Variants in IGSF9 observed in about 807,000 individuals in gnomAD.
IGSF9 encodes the protein immunoglobulin superfamily member 9, also known as protein turtle homolog A.
In IGSF9, 87 loss-of-function variants were observed where a neutral mutation model predicts 121.7. That is an observed-to-expected ratio of 0.71 (90% CI 0.60 to 0.85). The LOEUF is 0.85. IGSF9 is among the 40% of genes least tolerant of loss of function. The pLI, the probability that IGSF9 is intolerant of heterozygous loss-of-function variation, is 0.00. For missense variants in IGSF9, 1,462 were observed against 1,565.3 expected, an observed-to-expected ratio of 0.93 and a Z score of 1.11; for synonymous variants, 640 against 648.4, an observed-to-expected ratio of 0.99 and a Z score of 0.20.
At chr1:159,939,859 A>G (rs1651319228) in intron 3 of IGSF9, among the ~76,000 whole-genome samples, 1 of 152,168 alleles carries the variant, frequency 6.6e-6, no homozygotes, top group Non-Finnish European at 1.5e-5. Context: ...GACTAGGCCC[A>G]GCGGGTAAAT....
At position 159,931,198 on chromosome 1, in the gene IGSF9, G is replaced by A. The variant is rs1012218696; in HGVS notation, c.1577C>T (p.Ser526Phe). The A allele has an allele frequency of 3.1e-6, 5 of 1,614,154 alleles. No individual in the cohort carries two copies. Among genetic ancestry groups the A allele is most frequent in the Non-Finnish European group, 3.4e-6 (4 of 1,180,008 alleles). The stretch of plus-strand genomic sequence containing the variant: ...ACCACCATCAAAGCCAGGCTCCCAG[G>A]AGACATTGGCACCCTTGGGCAAAGC... ...VVALPKGANV[S>F]WEPGFDGGYL... The change falls in exon 13 of 21, where the codon TCC (serine) becomes TTC (phenylalanine). Residue 526 changes from serine (S) to phenylalanine (F), a missense_variant. Physicochemically the swap from Ser to Phe is radical, Grantham distance 155. Coordinates refer to ENST00000368094, the MANE Select transcript of IGSF9 (RefSeq NM_001135050.2). This position sits in a 1 kb window ranked among gnomAD's most constrained non-coding sequence, Gnocchi z 4.8.
intron 6 of IGSF9, among the ~76,000 whole-genome samples, chr1:159,935,209 G>A (rs1042178473): frequency 3.3e-5 from 5 of 152,096 alleles, no homozygotes; most frequent in Non-Finnish European, 7.4e-5. Context: ...TCAAGATGCT[G>A]CAGCAGCCCC....
chr1:159,932,420 G>GGGGCCCCCC lies in IGSF9; in HGVS notation c.1245+91_1245+92insGGGGGGCCC. 9.8e-7 allele frequency: 1 copy of GGGGCCCCCC among 1,021,816 alleles called. No homozygotes were observed. The highest frequency in any genetic ancestry group is 1.5e-6 in the Non-Finnish European group (1 of 689,032). 63.3% of individuals were successfully genotyped at this position (1,021,816 alleles called of 1,614,324 possible). A position where few individuals can be genotyped will look rare whatever the true frequency, so the allele number is the denominator to read the frequency against. ...CTTGGAAACCCCTCCCCATGTGTCT[G>GGGGCCCCCC]CCCCACCCCACCCCCATCAGCCTGG... is the stretch of plus-strand genomic sequence containing the variant. On this transcript the variant is annotated intron_variant, in intron 10 of 20. Transcript: ENST00000368094. The surrounding 1 kb of genome is among the most constrained non-coding windows in gnomAD (Gnocchi z 4.1).
At position 159,930,297 on chromosome 1, in the gene IGSF9, T is replaced by C. The variant is rs771227490; in HGVS notation, c.1956A>G (p.Arg652=). ...HWDPPELVPK[R]LDGYVLEGRQ... ...GGCCTTCCAAGACGTAGCCATCCAG[T>C]CTCTTAGGGACCAGCTCTGGGGGAT... The change falls in exon 15 of 21, where the codon AGA becomes AGG. Residue 652 remains arginine (R), a synonymous_variant. Transcript: ENST00000368094. 1.9e-6 allele frequency: 3 copies of C among 1,613,482 alleles called. No homozygotes were observed. In the South Asian group the frequency reaches 3.3e-5, roughly 18 times the overall value.
chr1:159,938,436 G>A (rs574791402), intron 3 of IGSF9, among the ~76,000 whole-genome samples: 36 of 152,242 alleles, frequency 2.4e-4, no homozygotes, highest in African/African-American at 8.2e-4. Flanking sequence ...TCCATGCCCC[G>A]GGGCACTCCA....
rs140485589 is a variant in IGSF9, at chr1:159,934,260, G to A, written c.1034C>T (p.Pro345Leu). ...GAGCAGTGGGGGGTTGGCACGAACC[G>A]GGCAGCGGATCACCCCCGGCATGCC... ...PIGMPGVIRC[P>L]VRANPPLLFV... Residue 345 changes from proline (P) to leucine (L), a missense_variant, in exon 9 of 21, where the codon CCG (proline) becomes CTG (leucine). Coordinates refer to ENST00000368094, the MANE Select transcript of IGSF9 (RefSeq NM_001135050.2). The A allele has an allele frequency of 4.8e-5, 77 of 1,613,734 alleles. 1 individual carries two copies. The highest frequency in any genetic ancestry group is 1.6e-4 in the South Asian group (15 of 90,988).
In IGSF9 at chr1:159,927,292, G is replaced by T. The variant is rs1489392104; in HGVS notation, c.*53C>A. ...GTTTGAAACTAGGTCTGTCTGGTTG[G>T]GGGCCTCCTTTGCAGGTCCATATGC... On this transcript the variant is annotated 3_prime_UTR_variant, in exon 21 of 21. Coordinates refer to ENST00000368094, the MANE Select transcript of IGSF9 (RefSeq NM_001135050.2). The T allele has an allele frequency of 1.9e-6, 3 of 1,603,234 alleles. No individual in the cohort carries two copies. The highest frequency in any genetic ancestry group is 2.6e-6 in the Non-Finnish European group (3 of 1,172,648).
In IGSF9 at chr1:159,932,230, C is replaced by T. The variant is rs72702746; in HGVS notation, c.1245+282G>A. On this transcript the variant is annotated intron_variant, in intron 10 of 20. Coordinates refer to ENST00000368094, the MANE Select transcript of IGSF9 (RefSeq NM_001135050.2). The surrounding 1 kb of genome is among the most constrained non-coding windows in gnomAD (Gnocchi z 4.1). ...TGCAGAACATTCTTCCTCCCAGAGCCCCAGAGAGGGAGGCAGCACGGTCAA... is the reference window on the plus strand; with the variant it reads ...TGCAGAACATTCTTCCTCCCAGAGCTCCAGAGAGGGAGGCAGCACGGTCAA... 0.08 allele frequency: 45,785 copies of T among 574,694 alleles called. 4,033 individuals carry two copies. Among genetic ancestry groups the T allele is most frequent in the African/African-American group, 0.35 (18,359 of 53,004 alleles). The allele number at this position is 574,694 out of a possible 1,614,324, so 35.6% of individuals were successfully genotyped here. A position where few individuals can be genotyped will look rare whatever the true frequency, so the allele number is the denominator to read the frequency against.
chr1:159,927,807 AG>A lies in IGSF9; in HGVS notation c.3310del (p.Leu1104TrpfsTer16). ...GDMELLETLH[L>X]GLASSRLRPE... ...TCTGAGCCGGGAGCTGGCCAAGCCC[AG>A]GTGCAAAGTCTCCAGCAATTCCATG... is the stretch of plus-strand genomic sequence containing the variant. On this transcript the variant is annotated frameshift_variant, in exon 20 of 21. Coordinates refer to ENST00000368094, the MANE Select transcript of IGSF9 (RefSeq NM_001135050.2). LOFTEE classifies it high-confidence loss of function. 6.2e-7 allele frequency: 1 copy of A among 1,613,946 alleles called. No individual in the cohort carries two copies. The highest frequency in any genetic ancestry group is 8.5e-7 in the Non-Finnish European group (1 of 1,179,968).
chr1:159,929,277 C>A, intron 18 of IGSF9, 74 bp downstream of exon 18: 1 of 1,546,998 alleles, frequency 6.5e-7, no homozygotes, highest in Non-Finnish European at 8.9e-7. Flanking sequence ...GGTAAAGATG[C>A]AAAAAAGGAA....
rs1650965536 is a variant in IGSF9 at position 159,930,745 on chromosome 1, T to C, written c.1760A>G (p.Gln587Arg). The stretch of plus-strand genomic sequence containing the variant: ...GAAGGGACCACTCCCCAGCTTGTTC[T>C]GAGCTAGCACGCTGAACTGGTACTG... ...HTQYQFSVLA[Q>R]NKLGSGPFSE... Residue 587 changes from glutamine (Q) to arginine (R), a missense_variant, in exon 14 of 21, where the codon CAG (glutamine) becomes CGG (arginine). Gln to Arg is a conservative substitution (Grantham distance 43). Transcript: ENST00000368094. 6.2e-7 allele frequency: 1 copy of C among 1,614,170 alleles called. No homozygotes were observed. The highest frequency in any genetic ancestry group is 8.5e-7 in the Non-Finnish European group (1 of 1,179,996).
intron 1 of IGSF9, among the ~76,000 whole-genome samples, chr1:159,944,651 A>C (rs1483958466): frequency 6.6e-6 from 1 of 152,140 alleles, no homozygotes; most frequent in Non-Finnish European, 1.5e-5. Flanking sequence ...ACAGCCCCAC[A>C]GATCCTAGGG....
chr1:159,929,781 G>C lies in IGSF9; in HGVS notation c.2183C>G (p.Pro728Arg), dbSNP rs771421838. ...LEVYPSRTQL[P>R]GLLPQPVLAG... The stretch of plus-strand genomic sequence containing the variant: ...CAGCACGGGCTGAGGCAGGAGGCCC[G>C]GCAGCTGCGTGCGCGAAGGGTAGAC... The change falls in exon 17 of 21, where the codon CCG becomes CGG. Residue 728 changes from proline to arginine, a missense_variant. Transcript: ENST00000368094. 1.9e-6 allele frequency: 3 copies of C among 1,606,392 alleles called. No homozygotes were observed. Among genetic ancestry groups the C allele is most frequent in the Non-Finnish European group, 2.5e-6 (3 of 1,177,188 alleles).
chr1:159,936,756 G>T lies in IGSF9; in HGVS notation c.553C>A (p.Gln185Lys), dbSNP rs1431070676. 10 of 1,614,096 alleles carry T rather than the reference G, an allele frequency of 6.2e-6. No homozygotes were observed. Among genetic ancestry groups the T allele is most frequent in the Non-Finnish European group, 7.6e-6 (9 of 1,179,992 alleles). The change falls in exon 5 of 21, where the codon CAA (glutamine) becomes AAA (lysine). Residue 185 changes from glutamine to lysine, a missense_variant and splice_region_variant. Physicochemically the swap from Gln to Lys is moderately conservative, Grantham distance 53 (BLOSUM62 1). Coordinates refer to ENST00000368094, the MANE Select transcript of IGSF9 (RefSeq NM_001135050.2). ...KDLGQGQGQVQVQNGTLRIRR... is the reference protein window; with the variant it reads ...KDLGQGQGQVKVQNGTLRIRR... ...CTCTGTCCACCCCCAGGACTCACTTGCACCTGGCCCTGGCCCTGGCCAAGG... is the reference window on the plus strand; with the variant it reads ...CTCTGTCCACCCCCAGGACTCACTTTCACCTGGCCCTGGCCCTGGCCAAGG...
Position 159,928,879 on chromosome 1 carries a change from G to C in IGSF9, c.2509C>G (p.Arg837Gly). Residue 837 changes from arginine (R) to glycine (G), a missense_variant, in exon 19 of 21, where the codon CGG becomes GGG. Transcript: ENST00000368094. ...PSPHPDPPSS[R>G]GPLPLEPICR... ...ATGGGCTCCAGAGGTAAGGGTCCCC[G>C]GCTAGATGGAGGATCCGGGTGGGGG... 1 of 1,594,392 alleles carries C rather than the reference G, an allele frequency of 6.3e-7. No homozygotes were observed. The highest frequency in any genetic ancestry group is 8.5e-7 in the Non-Finnish European group (1 of 1,171,072).
Position 159,931,983 on chromosome 1 carries a change from A to G in IGSF9, c.1246-55T>C. On this transcript the variant is annotated intron_variant, in intron 10 of 20. Transcript: ENST00000368094. The surrounding 1 kb of genome is among the most constrained non-coding windows in gnomAD (Gnocchi z 4.8). Reference sequence around the variant, plus strand: ...CCCTCTCTTACATCTAAGGCTGGCTACTCCCTCTCTCTGTGCTCCCTGTCA... The same window carrying G: ...CCCTCTCTTACATCTAAGGCTGGCTGCTCCCTCTCTCTGTGCTCCCTGTCA... The G allele has an allele frequency of 9.1e-7, 1 of 1,103,432 alleles. No individual in the cohort carries two copies. The highest frequency in any genetic ancestry group is 1.3e-6 in the Non-Finnish European group (1 of 752,516). 68.4% of individuals were successfully genotyped at this position (1,103,432 alleles called of 1,614,324 possible).
rs1432788525 is a variant in IGSF9 at position 159,929,719 on chromosome 1, C to T, written c.2245G>A (p.Ala749Thr). 6.2e-7 allele frequency: 1 copy of T among 1,601,540 alleles called. No individual in the cohort carries two copies. Among genetic ancestry groups the T allele is most frequent in the Non-Finnish European group, 8.5e-7 (1 of 1,175,070 alleles). ...VVGGVCFLGV[A>T]VLVSILAGCL... is the part of the protein sequence containing the mutation. ...CCGGCCAGGATGCTCACAAGGACGG[C>T]CACTCCCAGAAAGCAGACTCCGCCC... The change falls in exon 17 of 21, where the codon GCC (alanine) becomes ACC (threonine). Residue 749 changes from alanine to threonine, a missense_variant. Ala to Thr is a moderately conservative substitution (Grantham distance 58). This residue lies in a region of IGSF9 where 808 missense variants were observed against 815.2 expected (regional missense o/e 0.99). Coordinates refer to ENST00000368094, the MANE Select transcript of IGSF9 (RefSeq NM_001135050.2).
Position 159,934,527 on chromosome 1 carries a change from G to A in IGSF9, c.859C>T (p.Arg287Trp), listed in dbSNP as rs373829879. 32 of 1,613,672 alleles carry A rather than the reference G, an allele frequency of 2.0e-5. No individual in the cohort carries two copies. In the Middle Eastern group the frequency reaches 5.0e-4, roughly 25 times the overall value. The change falls in exon 8 of 21, where the codon CGG becomes TGG. Residue 287 changes from arginine to tryptophan, a missense_variant. Arg to Trp is a moderately radical substitution (Grantham distance 101). Coordinates refer to ENST00000368094, the MANE Select transcript of IGSF9 (RefSeq NM_001135050.2). Reference protein sequence around the residue: ...RVRILVDGSLRLLATQPDDAG... With the variant: ...RVRILVDGSLWLLATQPDDAG... ...TCATCAGGCTGGGTGGCCAGCAGCC[G>A]CAGGCTCCCGTCCACCAGGATCCGC...
chr1:159,929,448 C>A, intron 17 of IGSF9, 55 bp from the exon 18 acceptor site: 1 of 1,594,656 alleles, frequency 6.3e-7, no homozygotes, highest in Non-Finnish European at 8.6e-7. Context: ...GCCCTCTAGG[C>A]GGAGACTCTC....
Sources: allele counts gnomAD v4.1 joint callset (sites outside exome capture counted in the v4.1 genomes callset), GRCh38; gene constraint gnomAD v4.1.1; regional missense constraint gnomAD v4.1.1; non-coding constraint Gnocchi (gnomAD v3.1); transcripts MANE v1.5; gene names NCBI Gene and HGNC (gene_info 2026-07-23, HGNC 2026-07-21).